PTPRQ: variants seen among roughly 807,000 people sequenced by gnomAD.
The protein encoded by PTPRQ is phosphatidylinositol phosphatase PTPRQ.
PTPRQ carries 199 observed loss-of-function variants against 246.0 expected under a neutral mutation model. That is an observed-to-expected ratio of 0.81 (90% confidence interval 0.72 to 0.91). PTPRQ has a LOEUF of 0.91. Among genes scored for constraint, PTPRQ ranks in the 40% least tolerant of loss-of-function variants. The pLI, the probability that PTPRQ is intolerant of heterozygous loss-of-function variation, is 0.00. For synonymous variants in PTPRQ, 869 were observed against 853.2 expected (o/e 1.02, Z -0.32); for missense variants, 2,624 against 2,528.4 (o/e 1.04, Z -0.81).
intron 35 of PTPRQ, among the ~76,000 whole-genome samples, chr12:80,642,945 A>C (rs1301150438): frequency 6.7e-6 from 1 of 149,856 alleles, no homozygotes; most frequent in Admixed American, 6.6e-5. Context: ...AAAAAAAAAA[A>C]ACAATTGAGT....
At chr12:80,454,595 G>C (rs2120443596) in intron 3 of PTPRQ, 1 of 701,484 alleles carries the variant, frequency 1.4e-6, no homozygotes. Context: ...GATTATGTTG[G>C]CTGTGGTTTG....
chr12:80,472,627 C>G (rs1046007662), intron 8 of PTPRQ, among the ~76,000 whole-genome samples: 1 of 152,120 alleles, frequency 6.6e-6, no homozygotes, highest in Admixed American at 6.5e-5. Flanking sequence ...AGAAGAATTC[C>G]TATACTCCCA....
chr12:80,631,363 G>T (rs896386787), intron 33 of PTPRQ, among the ~76,000 whole-genome samples: 1 of 151,560 alleles, frequency 6.6e-6, no homozygotes, highest in Admixed American at 6.6e-5. Flanking sequence ...GAAGATAAAA[G>T]TTTAAAAAAA....
At chr12:80,445,955 T>C (rs1482217854) in intron 3 of PTPRQ, among the ~76,000 whole-genome samples, 1 of 151,856 alleles carries the variant, frequency 6.6e-6, no homozygotes, top group Admixed American at 6.6e-5. Context: ...TCTATGAATA[T>C]TTTTGCATAT....
At chr12:80,624,799 G>A (rs1417189092) in intron 33 of PTPRQ, among the ~76,000 whole-genome samples, 1 of 152,148 alleles carries the variant, frequency 6.6e-6, no homozygotes, top group Non-Finnish European at 1.5e-5. Context: ...TAGATCAGGG[G>A]TGTCCAATCT....
Position 80,510,444 on chromosome 12 carries a change from G to C in PTPRQ, c.2678+1G>C. ...TCCTTTATTACACAGTTTATGTCTG[G>C]TAATAATTTTTTTTTTGGAAATAGT... is the stretch of plus-strand genomic sequence containing the variant. On this transcript the variant is annotated splice_donor_variant, in intron 17 of 44. Coordinates refer to ENST00000644991, the MANE Select transcript of PTPRQ (RefSeq NM_001145026.2). LOFTEE classifies it high-confidence loss of function. 2 of 1,534,164 alleles carry C rather than the reference G, an allele frequency of 1.3e-6. No individual in the cohort carries two copies. The highest frequency in any genetic ancestry group is 1.8e-6 in the Non-Finnish European group (2 of 1,138,612).
chr12:80,528,719 A>G (rs573858170), intron 17 of PTPRQ, among the ~76,000 whole-genome samples: 7 of 152,280 alleles, frequency 4.6e-5, no homozygotes, highest in African/African-American at 1.7e-4. Context: ...AGAATCCATC[A>G]ACTCATTTAC....
chr12:80,538,474 T>C (rs1180468286), intron 19 of PTPRQ, among the ~76,000 whole-genome samples: 1 of 152,220 alleles, frequency 6.6e-6, no homozygotes, highest in Non-Finnish European at 1.5e-5. Context: ...TTTTAAGTGG[T>C]GCTTTATATA....
At chr12:80,595,500 C>T (rs1419788648) in intron 26 of PTPRQ, among the ~76,000 whole-genome samples, 1 of 151,968 alleles carries the variant, frequency 6.6e-6, no homozygotes, top group Non-Finnish European at 1.5e-5. Flanking sequence ...AATTAAAATT[C>T]TCTTGGCCAG....
rs1349501690 is a variant in PTPRQ at position 80,506,603 on chromosome 12, G to A, written c.2490G>A (p.Val830=). 1.9e-6 allele frequency: 3 copies of A among 1,541,506 alleles called. No homozygotes were observed. In the Admixed American group the frequency reaches 6.0e-5, roughly 31 times the overall value. ...LKKYTQYIIE[V]SASTLKGEGV... is the part of the protein sequence containing the mutation. ...AATATACCCAATATATCATTGAGGT[G>A]TCTGCTAGTACACTCAAAGGTGAAG... is the stretch of plus-strand genomic sequence containing the variant. The change falls in exon 16 of 45, where the codon GTG becomes GTA. Residue 830 remains valine, a synonymous_variant. Transcript: ENST00000644991.
chr12:80,455,257 GTTTATAC>G (rs1892939187), intron 3 of PTPRQ, among the ~76,000 whole-genome samples: 1 of 152,148 alleles, frequency 6.6e-6, no homozygotes, highest in Non-Finnish European at 1.5e-5. Context: ...ATAGAGTATC[GTTTATAC>G]TTTATGAAAT....
rs183184343 is a variant in PTPRQ at position 80,461,151 on chromosome 12, A to T, written c.910+249A>T. 1.3e-3 allele frequency among the ~76,000 whole-genome samples: 198 copies of T among 152,338 alleles called. 2 individuals are homozygous for T. Among genetic ancestry groups the T allele is most frequent in the African/African-American group, 2.9e-3 (122 of 41,586 alleles). ...GAGCCACTGACCGTGATCCTCATAT[A>T]GCTTTTATCATTTTATAATGTCAGC... On this transcript the variant is annotated intron_variant, in intron 6 of 44. Coordinates refer to ENST00000644991, the MANE Select transcript of PTPRQ (RefSeq NM_001145026.2).
chr12:80,619,412 C>T lies in PTPRQ; in HGVS notation c.5259C>T (p.Thr1753=), dbSNP rs1898889076. ...KAPARPKTKP[T]PIYDATGKLL... ...CAGCACGACCAAAAACCAAACCAAC[C>T]CCTATTTATGATGCCACAGGAAAAC... Residue 1753 remains threonine, a synonymous_variant, in exon 31 of 45, where the codon ACC becomes ACT. Coordinates refer to ENST00000644991, the MANE Select transcript of PTPRQ (RefSeq NM_001145026.2). 1.3e-6 allele frequency: 2 copies of T among 1,547,514 alleles called. No homozygotes were observed. The highest frequency in any genetic ancestry group is 1.2e-5 in the South Asian group (1 of 83,806).
intron 42 of PTPRQ, 140 bp from the exon 43 acceptor site, chr12:80,673,029 A>T: frequency 7.9e-7 from 1 of 1,269,180 alleles, no homozygotes; most frequent in African/African-American, 1.5e-5. Flanking sequence ...AAAAATCCAA[A>T]GACACTCCAA....
chr12:80,578,658 G>T (rs918173039), intron 25 of PTPRQ, among the ~76,000 whole-genome samples: 1 of 152,108 alleles, frequency 6.6e-6, no homozygotes, highest in Non-Finnish European at 1.5e-5. Flanking sequence ...CTCCCAAAGT[G>T]CTGGGATTAC....
chr12:80,622,249 T>C, intron 33 of PTPRQ, 115 bp downstream of exon 33: 1 of 897,658 alleles, frequency 1.1e-6, no homozygotes, highest in Non-Finnish European at 1.5e-6. Context: ...CTCATTTAAA[T>C]GTTAATTAGC....
Position 80,495,133 on chromosome 12 carries a change from A to G in PTPRQ, c.1702+39A>G, listed in dbSNP as rs928660224. The stretch of plus-strand genomic sequence containing the variant: ...TCCTTTGAAACAATTAACTGCAAAT[A>G]TTGCTGTTGTACACTGTGATACTTT... On this transcript the variant is annotated intron_variant, in intron 11 of 44. Coordinates refer to ENST00000644991, the MANE Select transcript of PTPRQ (RefSeq NM_001145026.2). 4.7e-5 allele frequency: 73 copies of G among 1,550,226 alleles called. No homozygotes were observed. In the Admixed American group the frequency reaches 1.4e-3, roughly 30 times the overall value.
chr12:80,542,182 C>A lies in PTPRQ; in HGVS notation c.3539C>A (p.Ala1180Glu). 1 of 1,550,980 alleles carries A rather than the reference C, an allele frequency of 6.4e-7. No homozygotes were observed. Among genetic ancestry groups the A allele is most frequent in the Non-Finnish European group, 8.7e-7 (1 of 1,146,598 alleles). The change falls in exon 22 of 45, where the codon GCA (alanine) becomes GAA (glutamate). Residue 1180 changes from alanine to glutamate, a missense_variant. Coordinates refer to ENST00000644991, the MANE Select transcript of PTPRQ (RefSeq NM_001145026.2). ...SWDPPVKPNG[A>E]IISYDLTLQG... ...GATCCCCCAGTAAAGCCAAATGGTG[C>A]AATAATAAGTTATGATTTAACTTTA... is the stretch of plus-strand genomic sequence containing the variant.
At chr12:80,586,882 A>G (rs1394113331) in intron 25 of PTPRQ, 1 of 152,200 alleles carries the variant, frequency 6.6e-6, no homozygotes, top group African/African-American at 2.4e-5. Context: ...TAGGTATTGT[A>G]AATAACCTAG....
Sources: gnomAD v4.1 joint callset for allele counts (sites outside exome capture counted in the v4.1 genomes callset) on GRCh38, gnomAD v4.1.1 for gene constraint, MANE v1.5 for transcripts, NCBI Gene and HGNC (gene_info 2026-07-23, HGNC 2026-07-21) for gene names.